The following PIWIL4 variants were observed in gnomAD, a reference collection of about 807,000 sequenced individuals.
The protein encoded by PIWIL4 is piwi-like protein 4.
In PIWIL4, 50 loss-of-function variants were observed where a neutral mutation model predicts 100.9. The ratio of observed to expected loss-of-function variants is 0.50; its 90% CI spans 0.39 to 0.63. The LOEUF (loss-of-function observed/expected upper bound fraction) is 0.63. Ranked by LOEUF, PIWIL4 falls within the 20% of genes least tolerant of loss-of-function variation. The pLI, the probability that PIWIL4 is intolerant of heterozygous loss-of-function variation, is 0.00. For missense variants in PIWIL4, 887 were observed against 1,043.3 expected (o/e 0.85, Z 2.06); for synonymous variants, 342 against 367.5 (o/e 0.93, Z 0.79).
At chr11:94,581,035 G>A (rs1186803651) in intron 4 of PIWIL4, among the ~76,000 whole-genome samples, 3 of 151,876 alleles carry the variant, frequency 2.0e-5, no homozygotes, top group Admixed American at 1.3e-4. Flanking sequence ...GAGTAGCTGG[G>A]ATTATAGGCA....
At chr11:94,608,458 C>A (rs1948749269) in intron 14 of PIWIL4, 125 bp from the exon 15 acceptor site, 2 of 765,896 alleles carry the variant, frequency 2.6e-6, no homozygotes, top group African/African-American at 3.5e-5. Flanking sequence ...CTCAATCTCC[C>A]TTACACATAG....
chr11:94,569,289 G>C (rs753552721), intron 2 of PIWIL4, among the ~76,000 whole-genome samples: 32 of 151,742 alleles, frequency 2.1e-4, no homozygotes, highest in Non-Finnish European at 3.8e-4. Context: ...ATATATAAGA[G>C]AATACTACTC....
chr11:94,585,593 A>C, intron 6 of PIWIL4, 68 bp downstream of exon 6: 1 of 1,186,840 alleles, frequency 8.4e-7, no homozygotes, highest in Non-Finnish European at 1.2e-6. Context: ...TTATGATGCA[A>C]TATTATACCA....
At chr11:94,582,468 A>G (rs145635959) in intron 4 of PIWIL4, among the ~76,000 whole-genome samples, 3 of 152,192 alleles carry the variant, frequency 2.0e-5, no homozygotes, top group African/African-American at 4.8e-5. Flanking sequence ...TCTTGATGCA[A>G]TCTAAAAGTG....
At chr11:94,597,992 C>T (rs1948578793) in intron 11 of PIWIL4, 77 bp downstream of exon 11, 1 of 1,076,980 alleles carries the variant, frequency 9.3e-7, no homozygotes, top group Admixed American at 1.9e-5. Flanking sequence ...GCCAGAGTGG[C>T]TTGTGTGCTT....
intron 13 of PIWIL4, 69 bp from the exon 14 acceptor site, chr11:94,607,370 T>C: frequency 7.2e-7 from 1 of 1,395,128 alleles, no homozygotes; most frequent in Non-Finnish European, 1.0e-6. Context: ...ATGAATTCAT[T>C]TCTTTAAAAA....
In PIWIL4 at chr11:94,597,888, A is replaced by G; in HGVS notation, c.1353A>G (p.Ser451=). Residue 451 remains serine (S), a synonymous_variant, in exon 11 of 20, where the codon TCA becomes TCG. Transcript: ENST00000299001. Reference sequence around the variant, plus strand: ...CTCTGACTGGCCGGATTGTGCCTTCAGAAAAAATATTAATGCAAGACCACA... The same window carrying G: ...CTCTGACTGGCCGGATTGTGCCTTCGGAAAAAATATTAATGCAAGACCACA... ...QISLTGRIVP[S]EKILMQDHIC... 6.2e-7 allele frequency: 1 copy of G among 1,613,516 alleles called. No homozygotes were observed. The highest frequency in any genetic ancestry group is 1.1e-5 in the South Asian group (1 of 91,064).
Position 94,597,864 on chromosome 11 carries a change from TCTGA to T in PIWIL4, c.1333_1336del (p.Thr445AlafsTer10), listed in dbSNP as rs780675499. 3 of 1,613,994 alleles carry T rather than the reference TCTGA, an allele frequency of 1.9e-6. No homozygotes were observed. The highest frequency in any genetic ancestry group is 2.7e-5 in the African/African-American group (2 of 74,946). On this transcript the variant is annotated frameshift_variant, in exon 11 of 20. Coordinates refer to ENST00000299001, the MANE Select transcript of PIWIL4 (RefSeq NM_152431.3). LOFTEE classifies it high-confidence loss of function. ...GACTGCATTTTGGAAGCCAGATATCTCTGACTGGCCGGATTGTGCCTTCAGAAAA... is the reference window on the plus strand; with the variant it reads ...GACTGCATTTTGGAAGCCAGATATCTCTGGCCGGATTGTGCCTTCAGAAAA...
chr11:94,608,854 G>A (rs1344986859), intron 15 of PIWIL4, among the ~76,000 whole-genome samples, 168 bp downstream of exon 15: 1 of 152,100 alleles, frequency 6.6e-6, no homozygotes, highest in Admixed American at 6.6e-5. Context: ...TGATAATATT[G>A]GGGTACTATG....
chr11:94,589,991 C>T (rs1948461014), intron 8 of PIWIL4, among the ~76,000 whole-genome samples: 2 of 152,214 alleles, frequency 1.3e-5, no homozygotes, highest in South Asian at 4.1e-4. Context: ...AACAGTTATC[C>T]TTACCCCTCA....
Position 94,589,202 on chromosome 11 carries a change from C to T in PIWIL4, c.996C>T (p.Thr332=), listed in dbSNP as rs1178037613. ...ACACCTTTCAGAAGCGGGATGGCAC[C>T]GAGATCACCTATGTGGATTACTACA... The part of the protein sequence containing the change: ...PTHTFQKRDG[T]EITYVDYYKQ... Residue 332 remains threonine (T), a synonymous_variant, in exon 8 of 20, where the codon ACC becomes ACT. Transcript: ENST00000299001. 2.5e-6 allele frequency: 4 copies of T among 1,609,386 alleles called. No homozygotes were observed. The highest frequency in any genetic ancestry group is 4.5e-5 in the East Asian group (2 of 44,864).
At chr11:94,620,853 T>C (rs504010) in intron 19 of PIWIL4, 23 bp from the exon 20 acceptor site, 761,761 of 1,535,818 alleles carry the variant, frequency 0.5, 190,337 homozygotes, top group Middle Eastern at 0.56. Context: ...TCTTAATTAT[T>C]ATCAATACTT....
intron 6 of PIWIL4, 26 bp downstream of exon 6, chr11:94,585,551 C>T (rs1948387221): frequency 6.6e-7 from 1 of 1,518,246 alleles, no homozygotes; most frequent in African/African-American, 1.4e-5. Flanking sequence ...TTTTCTGTTA[C>T]TCCGAAATTA....
intron 17 of PIWIL4, 136 bp downstream of exon 17, chr11:94,618,243 A>G: frequency 1.2e-6 from 1 of 828,340 alleles, no homozygotes; most frequent in Non-Finnish European, 1.8e-6. Context: ...TCATGCCAGT[A>G]GAGCTCTATC....
At chr11:94,570,499 C>T (rs1190385839) in intron 2 of PIWIL4, among the ~76,000 whole-genome samples, 1 of 151,940 alleles carries the variant, frequency 6.6e-6, no homozygotes, top group African/African-American at 2.4e-5. Flanking sequence ...ATTTAAAGAC[C>T]CTGTCACCAA....
intron 2 of PIWIL4, among the ~76,000 whole-genome samples, chr11:94,572,166 T>C (rs1477732282): frequency 2.0e-5 from 3 of 152,244 alleles, no homozygotes; most frequent in Non-Finnish European, 4.4e-5. Flanking sequence ...TTGTTTAAGT[T>C]CTTTGTAGAT....
At chr11:94,593,287 G>A (rs58465424) in intron 8 of PIWIL4, among the ~76,000 whole-genome samples, 1 of 152,204 alleles carries the variant, frequency 6.6e-6, no homozygotes, top group East Asian at 1.9e-4. Context: ...AGAGACAGCA[G>A]GGAAACGATA....
intron 16 of PIWIL4, among the ~76,000 whole-genome samples, chr11:94,617,353 ATT>A (rs11326953): frequency 4.0e-5 from 6 of 150,898 alleles, no homozygotes; most frequent in Non-Finnish European, 8.9e-5. Context: ...TTAGCAGGTA[ATT>A]TTTTTTTTAG....
In PIWIL4 at chr11:94,608,705, G is replaced by C. The variant is rs1248371991; in HGVS notation, c.1943+19G>C. The C allele has an allele frequency of 6.3e-7, 1 of 1,585,912 alleles. No individual in the cohort carries two copies. Among genetic ancestry groups the C allele is most frequent in the Admixed American group, 1.7e-5 (1 of 59,784 alleles). ...TCACCAGGTACTGCTAAAACTACCT[G>C]AACACATGCTTCATTTAGTTAGACT... On this transcript the variant is annotated intron_variant, in intron 15 of 19. Coordinates refer to ENST00000299001, the MANE Select transcript of PIWIL4 (RefSeq NM_152431.3).
Sources: allele counts gnomAD v4.1 joint callset (sites outside exome capture counted in the v4.1 genomes callset), GRCh38; gene constraint gnomAD v4.1.1; transcripts MANE v1.5; gene names NCBI Gene and HGNC (gene_info 2026-07-23, HGNC 2026-07-21).